Variants in MALRD1 observed in about 807,000 individuals in gnomAD.
MALRD1 encodes MAM and LDL-receptor class A domain-containing protein 1.
A neutral mutation model predicts 242.1 loss-of-function variants in MALRD1; 247 were observed. The ratio of observed to expected loss-of-function variants is 1.02; its 90% CI spans 0.92 to 1.13. MALRD1 has a LOEUF of 1.13. Ranked by LOEUF, MALRD1 falls within the 50% of genes most tolerant of loss-of-function variation. MALRD1 has a pLI of 0.00. For missense variants in MALRD1, 2,989 were observed against 2,533.1 expected (o/e 1.18, Z -3.86); for synonymous variants, 995 against 866.6 (o/e 1.15, Z -2.60).
At chr10:19,601,718 G>T (rs1425182986) in intron 34 of MALRD1, among the ~76,000 whole-genome samples, 1 of 151,900 alleles carries the variant, frequency 6.6e-6, no homozygotes, top group Admixed American at 6.6e-5. Context: ...TTATTGAACA[G>T]TCAACTTGAA....
At chr10:19,418,580 C>T (rs1262528796) in intron 28 of MALRD1, among the ~76,000 whole-genome samples, 1 of 152,042 alleles carries the variant, frequency 6.6e-6, no homozygotes, top group African/African-American at 2.4e-5. Flanking sequence ...AGGGTGGATG[C>T]TACACTGTTA....
chr10:19,538,033 C>T (rs1430539862), intron 32 of MALRD1, among the ~76,000 whole-genome samples: 3 of 152,148 alleles, frequency 2.0e-5, no homozygotes, highest in Non-Finnish European at 4.4e-5. Context: ...AGATAATTTT[C>T]TAAATAAAGC....
chr10:19,710,857 G>T (rs1279099276), intron 38 of MALRD1: 3 of 152,188 alleles, frequency 2.0e-5, no homozygotes, highest in African/African-American at 7.2e-5. Context: ...ACATTGCTGG[G>T]TTGCATTGTT....
Position 19,543,593 on chromosome 10 carries a change from T to C in MALRD1, c.5478+12242T>C, listed in dbSNP as rs1265171520. ...TAGGCTTACTCCGCTTTTTGAGTTATGTAGTTATCTCTTCAAACTGCTTGT... is the reference window on the plus strand; with the variant it reads ...TAGGCTTACTCCGCTTTTTGAGTTACGTAGTTATCTCTTCAAACTGCTTGT... On this transcript the variant is annotated intron_variant, in intron 32 of 39. Transcript: ENST00000454679. Among the ~76,000 whole-genome samples, 2 of 151,992 alleles carry C rather than the reference T, an allele frequency of 1.3e-5. 1 individual carries two copies. Among genetic ancestry groups the C allele is most frequent in the South Asian group, 4.2e-4 (2 of 4,814 alleles).
intron 29 of MALRD1, chr10:19,489,254 A>C (rs1207603043): frequency 2.1e-6 from 1 of 479,846 alleles, no homozygotes; most frequent in Admixed American, 2.3e-5. Context: ...AAAAGCACAA[A>C]CAAAAGGGAA....
chr10:19,707,935 C>T (rs1833941243), intron 38 of MALRD1, among the ~76,000 whole-genome samples: 1 of 120,648 alleles, frequency 8.3e-6, no homozygotes, highest in Non-Finnish European at 1.9e-5. Context: ...TGCACTCTAG[C>T]CTGGGTGTTA....
At position 19,734,432 on chromosome 10, in the gene MALRD1, TC is replaced by T; in HGVS notation, c.*196del. On this transcript the variant is annotated 3_prime_UTR_variant, in exon 40 of 40. Transcript: ENST00000454679. ...ATATGGAATCAGAATCAGTACCTTA[TC>T]TTCACTGAACATCTGAATATTTTAA... 1 of 401,170 alleles carries T rather than the reference TC, an allele frequency of 2.5e-6. No individual in the cohort carries two copies. The highest frequency in any genetic ancestry group is 4.4e-6 in the Non-Finnish European group (1 of 227,594). The allele number at this position is 401,170 out of a possible 1,614,324, so 24.9% of individuals were successfully genotyped here. A position where few individuals can be genotyped will look rare whatever the true frequency, so the allele number is the denominator to read the frequency against.
chr10:19,103,607 A>C (rs73591911), intron 4 of MALRD1, among the ~76,000 whole-genome samples: 197 of 151,926 alleles, frequency 1.3e-3, no homozygotes, highest in African/African-American at 4.5e-3. Context: ...ATGGGACACA[A>C]TTGCAAAATG....
intron 28 of MALRD1, among the ~76,000 whole-genome samples, chr10:19,442,329 T>A (rs1834711914): frequency 6.6e-6 from 1 of 152,150 alleles, no homozygotes; most frequent in African/African-American, 2.4e-5. Flanking sequence ...CTTTATTTCT[T>A]TCTCCTGTCT....
Position 19,389,616 on chromosome 10 carries a change from A to G in MALRD1, c.4845+7A>G, listed in dbSNP as rs1589008054. On this transcript the variant is annotated splice_region_variant and intron_variant, in intron 28 of 39. Transcript: ENST00000454679. ...CATTCAGATTCTCATCAAGGTAGGA[A>G]CATGGCCTGTGATGCCTCTGAGCTT... The G allele has an allele frequency of 6.5e-7, 1 of 1,548,312 alleles. No individual in the cohort carries two copies. Among genetic ancestry groups the G allele is most frequent in the East Asian group, 2.4e-5 (1 of 40,872 alleles).
chr10:19,305,687 C>A (rs915335901), intron 21 of MALRD1, among the ~76,000 whole-genome samples: 10 of 149,256 alleles, frequency 6.7e-5, no homozygotes, highest in Admixed American at 4.8e-4. Context: ...GTAACTTAAT[C>A]CTGATATTAT....
At chr10:19,659,044 A>G (rs1841298611) in intron 36 of MALRD1, among the ~76,000 whole-genome samples, 1 of 152,304 alleles carries the variant, frequency 6.6e-6, no homozygotes, top group African/African-American at 2.4e-5. Context: ...AAAAATGACT[A>G]GTCTGTGTAT....
intron 1 of MALRD1, among the ~76,000 whole-genome samples, chr10:19,050,083 C>CT (rs34692209): frequency 0.067 from 6,085 of 90,618 alleles, 312 homozygotes; most frequent in Non-Finnish European, 0.081. Context: ...CATATGTCTT[C>CT]TTTTTTTTTT....
At chr10:19,221,123 A>G (rs1023200293) in intron 18 of MALRD1, among the ~76,000 whole-genome samples, 2 of 152,108 alleles carry the variant, frequency 1.3e-5, no homozygotes, top group Non-Finnish European at 2.9e-5. Flanking sequence ...AATTTTTTTA[A>G]AAAATGTTGT....
At chr10:19,701,389 A>G (rs796499276) in intron 38 of MALRD1, among the ~76,000 whole-genome samples, 8 of 152,118 alleles carry the variant, frequency 5.3e-5, no homozygotes, top group African/African-American at 1.7e-4. Flanking sequence ...CAGATGCTCA[A>G]ATGTCATATA....
At chr10:19,132,047 T>C (rs1833131225) in intron 8 of MALRD1, among the ~76,000 whole-genome samples, 1 of 152,242 alleles carries the variant, frequency 6.6e-6, no homozygotes, top group Admixed American at 6.5e-5. Flanking sequence ...CTGTGTACTA[T>C]GAACTTGGCT....
chr10:19,062,678 A>G (rs1834857567), intron 1 of MALRD1, among the ~76,000 whole-genome samples: 1 of 152,200 alleles, frequency 6.6e-6, no homozygotes, highest in East Asian at 1.9e-4. Context: ...GTTACCTACA[A>G]TACTCTAATT....
chr10:19,543,433 C>CTTTTTTTTTTTTTTTTTTTT (rs71388849), intron 32 of MALRD1, among the ~76,000 whole-genome samples: 1 of 106,428 alleles, frequency 9.4e-6, no homozygotes, highest in African/African-American at 3.4e-5. Flanking sequence ...CAGCTGATTT[C>CTTTTTTTTTTTTTTTTTTTT]TTTTTTTTTT....
chr10:19,258,230 C>T (rs1311803249), intron 19 of MALRD1, among the ~76,000 whole-genome samples: 1 of 152,008 alleles, frequency 6.6e-6, no homozygotes. Flanking sequence ...GACATATTTT[C>T]CAGATATATA....
Sources: allele counts gnomAD v4.1 joint callset (sites outside exome capture counted in the v4.1 genomes callset), GRCh38; gene constraint gnomAD v4.1.1; transcripts MANE v1.5; gene names NCBI Gene and HGNC (gene_info 2026-07-23, HGNC 2026-07-21).